Variants in SECISBP2 observed in about 807,000 individuals in gnomAD.
SECISBP2 encodes SECIS binding protein 2.
In SECISBP2, 96 loss-of-function variants were observed where a neutral mutation model predicts 98.2. That is an observed-to-expected ratio of 0.98 (90% CI 0.83 to 1.16). The LOEUF is 1.16. Ranked by LOEUF, SECISBP2 falls within the 50% of genes most tolerant of loss-of-function variation. SECISBP2 has a pLI of 0.00. For synonymous variants in SECISBP2, 407 were observed against 370.2 expected, an observed-to-expected ratio of 1.10 and a Z score of -1.14; for missense variants, 1,046 against 1,022.9, an observed-to-expected ratio of 1.02 and a Z score of -0.31.
Position 89,334,594 on chromosome 9 carries a change from A to ATATT in SECISBP2, c.954_955insATTT (p.Val319IlefsTer18), listed in dbSNP as rs1327670809. On this transcript the variant is annotated frameshift_variant, in exon 7 of 17. Coordinates refer to ENST00000375807, the MANE Select transcript of SECISBP2 (RefSeq NM_024077.5). LOFTEE classifies it high-confidence loss of function. ...ACAGAACTGTCAGCAGCCCCTAAAA[A>ATATT]TGTTACTTCTATGATAAACTTAAAG... 5.0e-6 allele frequency: 8 copies of ATATT among 1,614,100 alleles called. No individual in the cohort carries two copies. The highest frequency in any genetic ancestry group is 6.8e-6 in the Non-Finnish European group (8 of 1,180,040).
downstream of SECISBP2, among the ~76,000 whole-genome samples, chr9:89,362,998 T>A (rs1473243016): frequency 6.6e-6 from 1 of 152,064 alleles, no homozygotes; most frequent in Non-Finnish European, 1.5e-5. Flanking sequence ...AGGAAGCCAC[T>A]CCCCCTGACC....
At chr9:89,355,545 G>A in intron 14 of SECISBP2, 1 of 982,588 alleles carries the variant, frequency 1.0e-6, no homozygotes, top group Non-Finnish European at 1.2e-6. Flanking sequence ...TTAGCCCTTT[G>A]GGTAAGAGTT....
chr9:89,333,598 G>A (rs995844074), intron 6 of SECISBP2, among the ~76,000 whole-genome samples: 1 of 152,152 alleles, frequency 6.6e-6, no homozygotes, highest in Non-Finnish European at 1.5e-5. Context: ...CGTGAGAGAG[G>A]GAGAGTAGGG....
chr9:89,347,876 G>A (rs1027876999), intron 11 of SECISBP2, among the ~76,000 whole-genome samples: 7 of 152,136 alleles, frequency 4.6e-5, no homozygotes, highest in African/African-American at 1.7e-4. Context: ...TGGCTGCTCT[G>A]CATACCTTGG....
At chr9:89,362,421 C>T, downstream of SECISBP2, 3 of 1,614,050 alleles carry the variant, frequency 1.9e-6, no homozygotes, top group Non-Finnish European at 2.5e-6. Flanking sequence ...GTCCTTGCTA[C>T]AGCTTTCCTG....
intron 2 of SECISBP2, chr9:89,323,728 C>T (rs1293533968): frequency 6.6e-6 from 1 of 152,220 alleles, no homozygotes; most frequent in African/African-American, 2.4e-5. Flanking sequence ...CCCAGACATG[C>T]CATTTGAAGC....
intron 2 of SECISBP2, 54 bp from the exon 3 acceptor site, chr9:89,325,373 G>A: frequency 6.4e-7 from 1 of 1,555,730 alleles, no homozygotes; most frequent in South Asian, 1.1e-5. Context: ...TTACAGAAAA[G>A]CTTCTTGGTT....
At chr9:89,354,684 C>A in intron 14 of SECISBP2, 1 of 733,088 alleles carries the variant, frequency 1.4e-6, no homozygotes. Flanking sequence ...TCCAAGTTCA[C>A]AGACCCCAAC....
At chr9:89,318,685 G>A in intron 1 of SECISBP2, 73 bp downstream of exon 1, 2 of 1,335,524 alleles carry the variant, frequency 1.5e-6, no homozygotes, top group Non-Finnish European at 1.9e-6. Flanking sequence ...TCGGCCGGGC[G>A]GTGACGGGGC....
intron 7 of SECISBP2, 140 bp from the exon 8 acceptor site, chr9:89,338,318 C>T: frequency 8.0e-6 from 8 of 993,888 alleles, no homozygotes; most frequent in Non-Finnish European, 1.2e-5. Flanking sequence ...TTTTAAAAAA[C>T]AGGGGATGAG....
intron 5 of SECISBP2, among the ~76,000 whole-genome samples, chr9:89,331,588 A>C (rs1827764287): frequency 6.6e-6 from 1 of 152,176 alleles, no homozygotes; most frequent in African/African-American, 2.4e-5. Context: ...CCCCCCATAC[A>C]CATAGCGTCA....
chr9:89,355,605 G>A (rs1166882267), intron 14 of SECISBP2: 4 of 970,860 alleles, frequency 4.1e-6, no homozygotes, highest in African/African-American at 3.5e-5. Context: ...AAAAAAATTG[G>A]CCATGCAGAG....
At chr9:89,331,333 C>T (rs570961670) in intron 5 of SECISBP2, among the ~76,000 whole-genome samples, 1 of 152,270 alleles carries the variant, frequency 6.6e-6, no homozygotes, top group South Asian at 2.1e-4. Flanking sequence ...TAAGCTATTT[C>T]TAATTTTTTA....
At chr9:89,360,761 A>G (rs1360118448), downstream of SECISBP2, 1 of 152,224 alleles carries the variant, frequency 6.6e-6, no homozygotes, top group Non-Finnish European at 1.5e-5. Context: ...GCTCTGGGCC[A>G]GGGGCGCCAA....
At position 89,330,750 on chromosome 9, in the gene SECISBP2, C is replaced by T. The variant is rs143879012; in HGVS notation, c.801+1864C>T. On this transcript the variant is annotated intron_variant, in intron 5 of 16. Transcript: ENST00000375807. ...CCAGGGGCTCCAGGCTGGGTTTGTGCGGTGGCTGAATAGCCACGGCGCTGC... is the reference window on the plus strand; with the variant it reads ...CCAGGGGCTCCAGGCTGGGTTTGTGTGGTGGCTGAATAGCCACGGCGCTGC... 2.8e-3 allele frequency among the ~76,000 whole-genome samples: 434 copies of T among 152,302 alleles called. 4 individuals are homozygous for T. Among genetic ancestry groups the T allele is most frequent in the African/African-American group, 9.7e-3 (405 of 41,556 alleles).
At chr9:89,327,180 A>G (rs1001803501) in intron 4 of SECISBP2, among the ~76,000 whole-genome samples, 2 of 151,650 alleles carry the variant, frequency 1.3e-5, no homozygotes, top group Admixed American at 1.3e-4. Context: ...AAAAAAAAAG[A>G]TATAAAATGT....
chr9:89,344,733 A>G (rs138979290), intron 10 of SECISBP2, among the ~76,000 whole-genome samples: 206 of 152,274 alleles, frequency 1.4e-3, no homozygotes, highest in African/African-American at 4.4e-3. Context: ...AGGGATTACA[A>G]TATACATGTT....
intron 5 of SECISBP2, among the ~76,000 whole-genome samples, chr9:89,331,568 T>C (rs1472502164): frequency 6.6e-6 from 1 of 152,230 alleles, no homozygotes; most frequent in Non-Finnish European, 1.5e-5. Flanking sequence ...AGCCTTTTAA[T>C]ATACTCGACC....
intron 12 of SECISBP2, 115 bp from the exon 13 acceptor site, chr9:89,349,661 A>G (rs1482325084): frequency 9.2e-7 from 1 of 1,081,564 alleles, no homozygotes; most frequent in Non-Finnish European, 1.4e-6. Context: ...TTGTCTGTGA[A>G]TGTGGTGGTT....
Sources: gnomAD v4.1 joint callset for allele counts (sites outside exome capture counted in the v4.1 genomes callset) on GRCh38, gnomAD v4.1.1 for gene constraint, MANE v1.5 for transcripts, NCBI Gene and HGNC (gene_info 2026-07-23, HGNC 2026-07-21) for gene names.